THAP12: variants seen among roughly 807,000 people sequenced by gnomAD.
The protein encoded by THAP12 is THAP domain containing 12, also known as 52 kDa repressor of the inhibitor of the protein kinase.
THAP12 carries 20 observed loss-of-function variants against 63.0 expected under a neutral mutation model. The observed-to-expected ratio is 0.32, with a 90% confidence interval of 0.22 to 0.46. The LOEUF (loss-of-function observed/expected upper bound fraction) is 0.46, where lower values mean the gene tolerates loss of function less well. Among genes scored for constraint, THAP12 ranks in the 20% least tolerant of loss-of-function variants. The pLI, the probability that THAP12 is intolerant of heterozygous loss-of-function variation, is 1.00. For missense variants in THAP12, 568 were observed against 908.2 expected (o/e 0.63, Z 4.81); for synonymous variants, 264 against 328.4 (o/e 0.80, Z 2.12).
rs1319734809 is a variant in THAP12, at chr11:76,351,497, T to A, written c.1653A>T (p.Lys551Asn). 6.4e-7 allele frequency: 1 copy of A among 1,559,204 alleles called. No individual in the cohort carries two copies. Among genetic ancestry groups the A allele is most frequent in the Non-Finnish European group, 8.7e-7 (1 of 1,151,866 alleles). The change falls in exon 5 of 5, where the codon AAA (lysine) becomes AAT (asparagine). Residue 551 changes from lysine to asparagine, a missense_variant. Physicochemically the swap from Lys to Asn is moderately conservative, Grantham distance 94. Transcript: ENST00000260045. Reference sequence around the variant, plus strand: ...GAGCTCTGCGGAATTTCCCAGGGAGTTTCATTTGAATATCAAGTTTGGTTG... The same window carrying A: ...GAGCTCTGCGGAATTTCCCAGGGAGATTCATTTGAATATCAAGTTTGGTTG... ...NLATKLDIQMKLPGKFRRAHQ... is the reference protein window; with the variant it reads ...NLATKLDIQMNLPGKFRRAHQ...
intron 1 of THAP12, among the ~76,000 whole-genome samples, chr11:76,373,464 C>T (rs1946688197): frequency 6.6e-6 from 1 of 151,428 alleles, no homozygotes; most frequent in South Asian, 2.1e-4. Flanking sequence ...ATCTGCAATC[C>T]TAAGACTTTG....
At chr11:76,376,086 T>C (rs1946707952) in intron 1 of THAP12, among the ~76,000 whole-genome samples, 1 of 152,190 alleles carries the variant, frequency 6.6e-6, no homozygotes, top group Admixed American at 6.5e-5. Flanking sequence ...GCCTAATGGT[T>C]ACAGTTTTTG....
Position 76,352,658 on chromosome 11 carries a change from T to C in THAP12, c.492A>G (p.Glu164=). The stretch of plus-strand genomic sequence containing the variant: ...AGATTTCAAATAGAGATTTTAGGTA[T>C]TCTTTGTTTTCCTTCTCTTCAAGGG... ...PLTLEEKENK[E]YLKSLFEILI... is the part of the protein sequence containing the mutation. Residue 164 remains glutamate (E), a synonymous_variant, in exon 5 of 5, where the codon GAA becomes GAG. Coordinates refer to ENST00000260045, the MANE Select transcript of THAP12 (RefSeq NM_004705.4). 6.2e-7 allele frequency: 1 copy of C among 1,612,258 alleles called. No homozygotes were observed. The highest frequency in any genetic ancestry group is 8.5e-7 in the Non-Finnish European group (1 of 1,179,876).
At chr11:76,371,855 C>A (rs1397402974) in intron 1 of THAP12, among the ~76,000 whole-genome samples, 1 of 129,762 alleles carries the variant, frequency 7.7e-6, no homozygotes, top group Non-Finnish European at 1.6e-5. Context: ...TCTTGTCGCT[C>A]AGGCTGGAGT....
At position 76,351,049 on chromosome 11, in the gene THAP12, G is replaced by A. The variant is rs34974507; in HGVS notation, c.2101C>T (p.Arg701Ter). Residue 701 changes from arginine (R) to a stop codon, truncating the protein, a stop_gained, in exon 5 of 5, where the codon CGA (arginine) becomes TGA (stop). Transcript: ENST00000260045. LOFTEE classifies it high-confidence loss of function. Reference sequence around the variant, plus strand: ...CTCAAATATGCTTTAAGACGCTTTCGTCCATTTTCATACCGCTCATTCTCA... The same window carrying A: ...CTCAAATATGCTTTAAGACGCTTTCATCCATTTTCATACCGCTCATTCTCA... The part of the protein sequence containing the change: ...KVENERYENG[R>*]KRLKAYLRNT... The A allele has an allele frequency of 1.9e-6, 3 of 1,611,840 alleles. No individual in the cohort carries two copies. Among genetic ancestry groups the A allele is most frequent in the South Asian group, 1.1e-5 (1 of 90,990 alleles).
intron 1 of THAP12, among the ~76,000 whole-genome samples, chr11:76,370,379 G>C (rs947249299): frequency 6.0e-5 from 9 of 150,768 alleles, no homozygotes; most frequent in African/African-American, 2.2e-4. Flanking sequence ...GTTTTTTTTT[G>C]AGAGAGAGGA....
chr11:76,368,216 G>C (rs372756016), intron 1 of THAP12, among the ~76,000 whole-genome samples: 1 of 152,198 alleles, frequency 6.6e-6, no homozygotes, highest in Admixed American at 6.5e-5. Flanking sequence ...ATCAGGCAGA[G>C]AGCCTAATCA....
At chr11:76,372,407 TAA>T (rs11429874) in intron 1 of THAP12, among the ~76,000 whole-genome samples, 1 of 145,796 alleles carries the variant, frequency 6.9e-6, no homozygotes. Context: ...GAATTGCTTC[TAA>T]AAAAAAAAAA....
intron 1 of THAP12, among the ~76,000 whole-genome samples, chr11:76,375,037 T>G (rs1224453748): frequency 1.3e-5 from 2 of 152,242 alleles, no homozygotes; most frequent in Non-Finnish European, 2.9e-5. Context: ...AAATTTCTGT[T>G]GTTTAAAAAT....
intron 1 of THAP12, among the ~76,000 whole-genome samples, chr11:76,368,100 A>T (rs754510574): frequency 6.6e-6 from 1 of 152,176 alleles, no homozygotes; most frequent in Non-Finnish European, 1.5e-5. Context: ...ATCTCTGGAG[A>T]CCTTCCACAC....
In THAP12 at chr11:76,372,588, T is replaced by TA. The variant is rs1489524151; in HGVS notation, c.90-6617_90-6616insT. Among the ~76,000 whole-genome samples, 1,187 of 144,976 alleles carry TA rather than the reference T, an allele frequency of 8.2e-3. 17 individuals are homozygous for TA. Among genetic ancestry groups the TA allele is most frequent in the African/African-American group, 0.03 (1,152 of 38,330 alleles). ...CTATGCCCAGTCAGAACTGTTACAT[T>TA]TAAAAAAAAAAAAAAAAAAGGGACC... On this transcript the variant is annotated intron_variant, in intron 1 of 4. Coordinates refer to ENST00000260045, the MANE Select transcript of THAP12 (RefSeq NM_004705.4).
intron 1 of THAP12, among the ~76,000 whole-genome samples, chr11:76,374,940 T>G (rs553863059): frequency 6.6e-6 from 1 of 152,312 alleles, no homozygotes; most frequent in Admixed American, 6.5e-5. Context: ...AGGCACCATC[T>G]AAGAAGCCAA....
chr11:76,363,277 G>A, intron 2 of THAP12, among the ~76,000 whole-genome samples: 1 of 152,154 alleles, frequency 6.6e-6, no homozygotes, highest in East Asian at 1.9e-4. Flanking sequence ...ATTAAGGTTT[G>A]AGCATAAAAG....
chr11:76,364,794 T>C (rs988837582), intron 2 of THAP12, among the ~76,000 whole-genome samples: 3 of 152,206 alleles, frequency 2.0e-5, no homozygotes, highest in Non-Finnish European at 4.4e-5. Context: ...CCATTATATC[T>C]ACCACATAAA....
At chr11:76,376,628 T>G (rs1462811076) in intron 1 of THAP12, among the ~76,000 whole-genome samples, 2 of 150,812 alleles carry the variant, frequency 1.3e-5, no homozygotes, top group Non-Finnish European at 3.0e-5. Flanking sequence ...TTTTTTGTTT[T>G]TTTTTTTTTT....
intron 2 of THAP12, among the ~76,000 whole-genome samples, chr11:76,363,403 A>G (rs1293674627): frequency 6.6e-6 from 1 of 151,902 alleles, no homozygotes; most frequent in Non-Finnish European, 1.5e-5. Flanking sequence ...ACAGGGTCTC[A>G]CCACCATGTT....
chr11:76,378,173 C>T (rs529317177), intron 1 of THAP12, among the ~76,000 whole-genome samples: 1 of 152,328 alleles, frequency 6.6e-6, no homozygotes, highest in East Asian at 1.9e-4. Context: ...AATCCCAGCA[C>T]TTTGGGAGGC....
chr11:76,377,673 T>C (rs1192525654), intron 1 of THAP12, among the ~76,000 whole-genome samples: 1 of 152,240 alleles, frequency 6.6e-6, no homozygotes, highest in Non-Finnish European at 1.5e-5. Context: ...TTCTACCTTT[T>C]GACTATTGCG....
intron 1 of THAP12, 109 bp from the exon 2 acceptor site, chr11:76,366,081 C>T: frequency 8.1e-7 from 1 of 1,232,888 alleles, no homozygotes; most frequent in Non-Finnish European, 1.1e-6. Context: ...TGCTCCCCTC[C>T]CTGAGAACAT....
Sources: gnomAD v4.1 joint callset for allele counts (sites outside exome capture counted in the v4.1 genomes callset) on GRCh38, gnomAD v4.1.1 for gene constraint, MANE v1.5 for transcripts, NCBI Gene and HGNC (gene_info 2026-07-23, HGNC 2026-07-21) for gene names.